Variants in ARHGAP26 observed in about 807,000 individuals in gnomAD.
ARHGAP26 encodes the protein rho GTPase-activating protein 26.
ARHGAP26 carries 38 observed loss-of-function variants against 104.8 expected under a neutral mutation model. That is an observed-to-expected ratio of 0.36 (90% CI 0.28 to 0.48). The LOEUF is 0.48. Ranked by LOEUF, ARHGAP26 falls within the 20% of genes least tolerant of loss-of-function variation. The pLI is 0.99. For synonymous variants in ARHGAP26, 341 were observed against 340.0 expected, an observed-to-expected ratio of 1.00 and a Z score of -0.03; for missense variants, 704 against 947.9, an observed-to-expected ratio of 0.74 and a Z score of 3.38.
intron 20 of ARHGAP26, among the ~76,000 whole-genome samples, chr5:143,156,387 T>TAC (rs908676934): frequency 1.1e-4 from 16 of 152,220 alleles, no homozygotes; most frequent in Non-Finnish European, 2.1e-4. Context: ...TGGTCTCTGT[T>TAC]ACACTGGTCT....
intron 1 of ARHGAP26, among the ~76,000 whole-genome samples, chr5:142,784,708 A>C (rs1163330852): frequency 6.6e-6 from 1 of 152,104 alleles, no homozygotes; most frequent in Non-Finnish European, 1.5e-5. Context: ...TTTTTTAAAA[A>C]CAGCTTTTTT....
Position 143,060,840 on chromosome 5 carries a change from G to A in ARHGAP26, c.1538+3093G>A, listed in dbSNP as rs553071854. 9.2e-4 allele frequency among the ~76,000 whole-genome samples: 140 copies of A among 152,186 alleles called. 1 individual carries two copies. The highest frequency in any genetic ancestry group is 3.2e-3 in the African/African-American group (133 of 41,488). On this transcript the variant is annotated intron_variant, in intron 17 of 22. Coordinates refer to ENST00000645722, the MANE Select transcript of ARHGAP26 (RefSeq NM_001135608.3). ...TAAGAACCACTGGCCCAGAGAATGG[G>A]CCATATGCAAGGATTTTCTAGGACA...
chr5:142,989,656 G>A (rs1414570808), intron 11 of ARHGAP26, among the ~76,000 whole-genome samples: 1 of 152,156 alleles, frequency 6.6e-6, no homozygotes, highest in Non-Finnish European at 1.5e-5. Flanking sequence ...GCCTGGTGGT[G>A]ACAAAATCTC....
At chr5:143,058,373 TAATC>T (rs1194533649) in intron 17 of ARHGAP26, among the ~76,000 whole-genome samples, 1 of 152,372 alleles carries the variant, frequency 6.6e-6, no homozygotes, top group South Asian at 2.1e-4. Flanking sequence ...TCCTCTGAGA[TAATC>T]AAAGCATTCA....
At chr5:143,184,324 A>G (rs968625354) in intron 20 of ARHGAP26, among the ~76,000 whole-genome samples, 10 of 152,108 alleles carry the variant, frequency 6.6e-5, no homozygotes, top group Admixed American at 2.6e-4. Context: ...TTAATGTATT[A>G]TTGCTTATCC....
chr5:143,102,686 G>A (rs1412847992), intron 17 of ARHGAP26, among the ~76,000 whole-genome samples: 3 of 152,206 alleles, frequency 2.0e-5, no homozygotes, highest in African/African-American at 7.2e-5. Flanking sequence ...GAGAAAGCTT[G>A]CTTTCTTACC....
chr5:142,953,724 A>G (rs776337522), intron 11 of ARHGAP26, among the ~76,000 whole-genome samples: 21 of 152,304 alleles, frequency 1.4e-4, no homozygotes, highest in Admixed American at 3.3e-4. Context: ...ATGGAGTGCC[A>G]ACTGACAAGA....
intron 1 of ARHGAP26, among the ~76,000 whole-genome samples, chr5:142,803,312 T>C (rs1762409395): frequency 6.6e-6 from 1 of 152,250 alleles, no homozygotes; most frequent in Non-Finnish European, 1.5e-5. Flanking sequence ...TGTTCTGCAT[T>C]TTTATTGGTG....
In ARHGAP26 at chr5:143,095,897, A is replaced by G. The variant is rs939626547; in HGVS notation, c.1539-25091A>G. Reference sequence around the variant, plus strand: ...TCATATCTTCTTCTTCACTCAATCTATTGTCATACAAAAATCAGTCCTAGC... The same window carrying G: ...TCATATCTTCTTCTTCACTCAATCTGTTGTCATACAAAAATCAGTCCTAGC... On this transcript the variant is annotated intron_variant, in intron 17 of 22. Coordinates refer to ENST00000645722, the MANE Select transcript of ARHGAP26 (RefSeq NM_001135608.3). 3.3e-5 allele frequency among the ~76,000 whole-genome samples: 5 copies of G among 152,182 alleles called. 1 individual carries two copies. The highest frequency in any genetic ancestry group is 4.1e-4 in the South Asian group (2 of 4,828).
chr5:142,933,618 C>T (rs1765028733), intron 11 of ARHGAP26, among the ~76,000 whole-genome samples: 2 of 152,140 alleles, frequency 1.3e-5, no homozygotes, highest in Admixed American at 1.3e-4. Flanking sequence ...TGCCATTTTC[C>T]AGCCAGAAAA....
chr5:143,065,463 A>C (rs187500342), intron 17 of ARHGAP26, among the ~76,000 whole-genome samples: 2 of 152,328 alleles, frequency 1.3e-5, no homozygotes. Context: ...AAGTTAATCC[A>C]TGGGGCATAA....
intron 17 of ARHGAP26, among the ~76,000 whole-genome samples, chr5:143,098,582 A>G (rs1210714141): frequency 6.6e-6 from 1 of 152,196 alleles, no homozygotes; most frequent in East Asian, 1.9e-4. Flanking sequence ...TCTTTATAAT[A>G]TTATCAACAG....
rs1178621900 is a variant in ARHGAP26, at chr5:143,041,827, C to A, written c.1222C>A (p.Gln408Lys). 6.2e-7 allele frequency: 1 copy of A among 1,606,486 alleles called. No homozygotes were observed. The highest frequency in any genetic ancestry group is 8.5e-7 in the Non-Finnish European group (1 of 1,176,306). ...GTTTCTTTCCTCAGGGATCAACGAG[C>A]AAGGGCTGTATCGAATTGTGGGTGT... ...HAVETRGINE[Q>K]GLYRIVGVNS... Residue 408 changes from glutamine to lysine, a missense_variant, in exon 14 of 23, where the codon CAA (glutamine) becomes AAA (lysine). Coordinates refer to ENST00000645722, the MANE Select transcript of ARHGAP26 (RefSeq NM_001135608.3).
At chr5:143,132,189 G>A (rs776760866) in intron 18 of ARHGAP26, among the ~76,000 whole-genome samples, 3 of 152,078 alleles carry the variant, frequency 2.0e-5, no homozygotes, top group Non-Finnish European at 4.4e-5. Flanking sequence ...TTAACCAGCT[G>A]GCTGGCATCA....
chr5:142,822,782 A>G (rs954475531), intron 1 of ARHGAP26, among the ~76,000 whole-genome samples: 1 of 152,238 alleles, frequency 6.6e-6, no homozygotes, highest in East Asian at 1.9e-4. Flanking sequence ...TGGACATTAT[A>G]TTGGTTATAT....
chr5:142,800,705 GA>G (rs1257449158), intron 1 of ARHGAP26, among the ~76,000 whole-genome samples: 2 of 152,110 alleles, frequency 1.3e-5, no homozygotes, highest in Non-Finnish European at 2.9e-5. Flanking sequence ...TTTGTTAATA[GA>G]CCTGCTTATG....
In ARHGAP26 at chr5:142,920,916, A is replaced by G. The variant is rs137874641; in HGVS notation, c.1028+7623A>G. ...TTCCATTCTTACAGGGGACGATGGC[A>G]TGACTGGAATACGCTGAATTCATTC... On this transcript the variant is annotated intron_variant, in intron 10 of 22. Coordinates refer to ENST00000645722, the MANE Select transcript of ARHGAP26 (RefSeq NM_001135608.3). Among the ~76,000 whole-genome samples the G allele has an allele frequency of 4.8e-3, 726 of 152,358 alleles. 5 individuals are homozygous for G. The highest frequency in any genetic ancestry group is 0.017 in the African/African-American group (688 of 41,574).
At chr5:143,070,645 T>A (rs1788105040) in intron 17 of ARHGAP26, among the ~76,000 whole-genome samples, 1 of 152,170 alleles carries the variant, frequency 6.6e-6, no homozygotes, top group Non-Finnish European at 1.5e-5. Context: ...TGAAGGGGCT[T>A]ATGCCTATAA....
chr5:142,850,715 C>T (rs924000331), intron 1 of ARHGAP26, among the ~76,000 whole-genome samples: 3 of 152,162 alleles, frequency 2.0e-5, no homozygotes, highest in African/African-American at 7.2e-5. Context: ...CCTATTTCTA[C>T]CTCCTCCCTT....
Sources: allele counts gnomAD v4.1 joint callset (sites outside exome capture counted in the v4.1 genomes callset), GRCh38; gene constraint gnomAD v4.1.1; transcripts MANE v1.5; gene names NCBI Gene and HGNC (gene_info 2026-07-23, HGNC 2026-07-21).